The following RALYL variants were observed in gnomAD, a reference collection of about 807,000 sequenced individuals.
RALYL encodes the protein RALY RNA binding protein like.
Under a neutral mutation model 35.1 loss-of-function variants are expected in RALYL, and 29 were observed. The ratio of observed to expected loss-of-function variants is 0.83; its 90% confidence interval spans 0.61 to 1.13. The LOEUF (loss-of-function observed/expected upper bound fraction) is 1.13, where lower values mean the gene tolerates loss of function less well. RALYL is among the 50% of genes most tolerant of loss of function. The probability of loss-of-function intolerance (pLI) is 0.00; values close to 1 mark genes in which losing one functional copy is unlikely to be tolerated. For synonymous variants in RALYL, 120 were observed against 127.6 expected (o/e 0.94, Z 0.40); for missense variants, 359 against 360.4 (o/e 1.00, Z 0.03).
At chr8:84,845,515 GGTGGGTTTTTTGCTTGAAAATTTATTTAA>G (rs1429830645) in intron 4 of RALYL, among the ~76,000 whole-genome samples, 1 of 151,890 alleles carries the variant, frequency 6.6e-6, no homozygotes, top group East Asian at 1.9e-4. Context: ...TTTTTAATAG[GGTGGGTTTTTTGCTTGAAAATTTATTTAA>G]GTTTCTTACA....
intron 2 of RALYL, among the ~76,000 whole-genome samples, chr8:84,650,277 T>A (rs192557041): frequency 4.1e-4 from 62 of 152,114 alleles, no homozygotes; most frequent in African/African-American, 1.4e-3. Context: ...CTTTATTTCC[T>A]TCTCCTGCCT....
intron 2 of RALYL, among the ~76,000 whole-genome samples, chr8:84,724,965 A>T (rs1407567242): frequency 6.6e-6 from 1 of 151,718 alleles, no homozygotes; most frequent in African/African-American, 2.4e-5. Flanking sequence ...TCACTAATTA[A>T]TTATGAAGCA....
chr8:84,737,889 A>G (rs1479472704), intron 2 of RALYL, among the ~76,000 whole-genome samples: 1 of 151,980 alleles, frequency 6.6e-6, no homozygotes, highest in Non-Finnish European at 1.5e-5. Flanking sequence ...ATCTGCTGGC[A>G]CCTTAATCTT....
intron 4 of RALYL, among the ~76,000 whole-genome samples, chr8:84,823,312 T>C (rs1366877905): frequency 6.6e-6 from 1 of 152,144 alleles, no homozygotes; most frequent in East Asian, 1.9e-4. Context: ...TTGGTGTCTA[T>C]AATATAAGGC....
At chr8:84,682,799 A>C (rs1020664469) in intron 2 of RALYL, among the ~76,000 whole-genome samples, 40 of 151,362 alleles carry the variant, frequency 2.6e-4, no homozygotes, top group Non-Finnish European at 3.8e-4. Context: ...CAGCTCCTGG[A>C]TTCATTGATT....
chr8:84,777,048 CT>C (rs1236685429), intron 3 of RALYL, among the ~76,000 whole-genome samples: 1 of 152,122 alleles, frequency 6.6e-6, no homozygotes, highest in Non-Finnish European at 1.5e-5. Flanking sequence ...AAAAAATTAC[CT>C]TAATTTTATG....
chr8:84,349,089 A>G lies in RALYL; in HGVS notation c.-24+164665A>G, dbSNP rs552908855. On this transcript the variant is annotated intron_variant, in intron 1 of 8. Transcript: ENST00000521268. Reference sequence around the variant, plus strand: ...ATGGATAGTCCGAGGTCCAGGGAACAGCCATTCAGAGGCAATTTTTCTTGG... The same window carrying G: ...ATGGATAGTCCGAGGTCCAGGGAACGGCCATTCAGAGGCAATTTTTCTTGG... Among the ~76,000 whole-genome samples the G allele has an allele frequency of 2.6e-4, 39 of 150,202 alleles. 1 individual carries two copies. The highest frequency in any genetic ancestry group is 4.4e-4 in the Non-Finnish European group (30 of 67,692).
At chr8:84,625,993 A>G (rs907288656) in intron 2 of RALYL, among the ~76,000 whole-genome samples, 1 of 152,178 alleles carries the variant, frequency 6.6e-6, no homozygotes, top group African/African-American at 2.4e-5. Flanking sequence ...AGACAGGGGC[A>G]CTTATCCAAG....
Position 84,311,924 on chromosome 8 carries a change from C to G in RALYL, c.-24+127500C>G, listed in dbSNP as rs117869608. On this transcript the variant is annotated intron_variant, in intron 1 of 8. Coordinates refer to ENST00000521268, the MANE Select transcript of RALYL (RefSeq NM_173848.7). ...ATCAAATCAGAGATTATACAATAAA[C>G]AGTGTTGGAACAGTCTTGTGTTTAT... Among the ~76,000 whole-genome samples, 190 of 152,232 alleles carry G rather than the reference C, an allele frequency of 1.2e-3. 1 individual carries two copies. The East Asian group carries it at 0.027, about 21-fold the overall frequency.
chr8:84,549,425 A>T (rs976657042), intron 2 of RALYL, among the ~76,000 whole-genome samples: 5 of 152,186 alleles, frequency 3.3e-5, no homozygotes, highest in Non-Finnish European at 7.3e-5. Context: ...TTGATGACAT[A>T]GCTCTAAACA....
At chr8:84,435,693 A>G (rs2047639314) in intron 1 of RALYL, among the ~76,000 whole-genome samples, 1 of 152,122 alleles carries the variant, frequency 6.6e-6, no homozygotes, top group Non-Finnish European at 1.5e-5. Context: ...TTGAATATTC[A>G]GGGTAATCAC....
chr8:84,825,766 G>C (rs1829541928), intron 4 of RALYL, among the ~76,000 whole-genome samples: 1 of 152,120 alleles, frequency 6.6e-6, no homozygotes, highest in Non-Finnish European at 1.5e-5. Context: ...TTCTTGGGAG[G>C]CCGAGGCAGG....
intron 1 of RALYL, among the ~76,000 whole-genome samples, chr8:84,444,950 C>A (rs896574125): frequency 2.0e-5 from 3 of 151,966 alleles, no homozygotes; most frequent in African/African-American, 4.8e-5. Context: ...AAAATCAATG[C>A]TTAGACAGTG....
At position 84,577,166 on chromosome 8, in the gene RALYL, G is replaced by A. The variant is rs534180070; in HGVS notation, c.256+47589G>A. Reference sequence around the variant, plus strand: ...AAGCAGGCCAACAGTTGCGTTTGGCGTAATTACGCACTTCCTTGAGGGAAG... The same window carrying A: ...AAGCAGGCCAACAGTTGCGTTTGGCATAATTACGCACTTCCTTGAGGGAAG... On this transcript the variant is annotated intron_variant, in intron 2 of 8. Coordinates refer to ENST00000521268, the MANE Select transcript of RALYL (RefSeq NM_173848.7). Among the ~76,000 whole-genome samples the A allele has an allele frequency of 6.5e-4, 99 of 152,314 alleles. 2 individuals carry two copies. In the South Asian group the frequency reaches 0.018, roughly 27 times the overall value.
intron 1 of RALYL, among the ~76,000 whole-genome samples, chr8:84,512,849 T>C (rs2057737085): frequency 6.6e-6 from 1 of 152,192 alleles, no homozygotes; most frequent in Non-Finnish European, 1.5e-5. Context: ...ATATGTTGAT[T>C]TATTTCTGGG....
At chr8:84,266,766 C>T (rs1833380471) in intron 1 of RALYL, among the ~76,000 whole-genome samples, 1 of 151,920 alleles carries the variant, frequency 6.6e-6, no homozygotes, top group African/African-American at 2.4e-5. Flanking sequence ...CGAGACCATC[C>T]GGGCTAACAC....
rs140233457 is a variant in RALYL at position 84,330,103 on chromosome 8, T to C, written c.-24+145679T>C. 9.5e-4 allele frequency among the ~76,000 whole-genome samples: 145 copies of C among 152,166 alleles called. 3 individuals are homozygous for C. In the East Asian group the frequency reaches 0.026, roughly 28 times the overall value. On this transcript the variant is annotated intron_variant, in intron 1 of 8. Coordinates refer to ENST00000521268, the MANE Select transcript of RALYL (RefSeq NM_173848.7). ...GTGGACATTCAATCCACAATGTAGA[T>C]ATAAGTAGCTAATAAATATGTGTAG... is the stretch of plus-strand genomic sequence containing the variant.
At chr8:84,853,079 G>C (rs1480283359) in intron 5 of RALYL, among the ~76,000 whole-genome samples, 1 of 152,190 alleles carries the variant, frequency 6.6e-6, no homozygotes, top group East Asian at 1.9e-4. Flanking sequence ...CTGGGCCTGA[G>C]TCTGTTTAGT....
At chr8:84,452,489 G>A (rs1203155653) in intron 1 of RALYL, among the ~76,000 whole-genome samples, 1 of 151,588 alleles carries the variant, frequency 6.6e-6, no homozygotes, top group Non-Finnish European at 1.5e-5. Context: ...GTCTATATTA[G>A]GAAACTTTTT....
Sources: allele counts gnomAD v4.1 joint callset (sites outside exome capture counted in the v4.1 genomes callset), GRCh38; gene constraint gnomAD v4.1.1; transcripts MANE v1.5; gene names NCBI Gene and HGNC (gene_info 2026-07-23, HGNC 2026-07-21).